The following KLHL23 variants were observed in gnomAD, a reference collection of about 807,000 sequenced individuals.
KLHL23 encodes the protein kelch like family member 23, also known as kelch-like protein 23.
Under a neutral mutation model 48.9 loss-of-function variants are expected in KLHL23, and 33 were observed. The ratio of observed to expected loss-of-function variants is 0.67; its 90% CI spans 0.51 to 0.90. The LOEUF is 0.90. Ranked by LOEUF, KLHL23 falls within the 40% of genes least tolerant of loss-of-function variation. The pLI is 0.00. For synonymous variants in KLHL23, 234 were observed against 231.6 expected, an observed-to-expected ratio of 1.01 and a Z score of -0.09; for missense variants, 608 against 669.6, an observed-to-expected ratio of 0.91 and a Z score of 1.02.
At chr2:169,740,566 A>G (rs906629929) in intron 2 of KLHL23, among the ~76,000 whole-genome samples, 1 of 149,420 alleles carries the variant, frequency 6.7e-6, no homozygotes, top group African/African-American at 2.5e-5. Flanking sequence ...CTCCTGCCTC[A>G]GCCTCCCGAG....
Position 169,745,347 on chromosome 2 carries a change from C to A in KLHL23, c.1366+3810C>A, listed in dbSNP as rs556413745. ...CTAACATGGTGAAACCCCATCTCTA[C>A]TAAAAATACAAAAAAATTAGCTGGG... On this transcript the variant is annotated intron_variant, in intron 3 of 3. Coordinates refer to ENST00000392647, the MANE Select transcript of KLHL23 (RefSeq NM_144711.6). Among the ~76,000 whole-genome samples the A allele has an allele frequency of 1.4e-3, 218 of 151,762 alleles. 2 individuals are homozygous for A. The highest frequency in any genetic ancestry group is 2.4e-3 in the Non-Finnish European group (160 of 67,876).
chr2:169,747,803 C>A (rs1227904437), intron 3 of KLHL23, among the ~76,000 whole-genome samples: 1 of 152,094 alleles, frequency 6.6e-6, no homozygotes, highest in East Asian at 1.9e-4. Flanking sequence ...GTGAGCAGGA[C>A]ACAGTTCCTG....
intron 3 of KLHL23, among the ~76,000 whole-genome samples, chr2:169,746,194 C>T (rs1317547306): frequency 6.6e-6 from 1 of 152,324 alleles, no homozygotes; most frequent in East Asian, 1.9e-4. Flanking sequence ...ATTTATTTAC[C>T]TGCCTTGCCA....
At chr2:169,736,632 C>T (rs915168736) in intron 2 of KLHL23, among the ~76,000 whole-genome samples, 5 of 152,132 alleles carry the variant, frequency 3.3e-5, no homozygotes, top group South Asian at 4.1e-4. Flanking sequence ...CTAGAGACAA[C>T]GTCTGCTTTT....
intron 3 of KLHL23, among the ~76,000 whole-genome samples, chr2:169,745,513 CAAAAAAAA>C (rs1157957265): frequency 6.3e-5 from 4 of 63,648 alleles, no homozygotes; most frequent in Non-Finnish European, 1.0e-4. Context: ...GACTCCGTCT[CAAAAAAAA>C]AAAAAAAAAA....
intron 3 of KLHL23, among the ~76,000 whole-genome samples, chr2:169,747,060 G>A (rs1319310099): frequency 6.6e-6 from 1 of 152,054 alleles, no homozygotes; most frequent in African/African-American, 2.4e-5. Context: ...AAGCAAAAAT[G>A]CAATCTTCTA....
At chr2:169,741,186 G>A in intron 2 of KLHL23, 199 bp from the exon 3 acceptor site, 1 of 520,690 alleles carries the variant, frequency 1.9e-6, no homozygotes, top group South Asian at 4.4e-5. Context: ...GTGCATGGCT[G>A]TGTTTGTGTG....
chr2:169,736,730 T>C (rs1365402521), intron 2 of KLHL23, among the ~76,000 whole-genome samples: 2 of 152,224 alleles, frequency 1.3e-5, no homozygotes, highest in Non-Finnish European at 2.9e-5. Flanking sequence ...TCTCGGTATC[T>C]GTCTGATAAA....
At chr2:169,745,247 T>G (rs919803625) in intron 3 of KLHL23, among the ~76,000 whole-genome samples, 4 of 151,812 alleles carry the variant, frequency 2.6e-5, no homozygotes, top group Middle Eastern at 3.2e-3. Flanking sequence ...GCGCGGTGGC[T>G]CACGCCTGTA....
At chr2:169,741,839 G>A (rs1688683882) in intron 3 of KLHL23, among the ~76,000 whole-genome samples, 1 of 152,104 alleles carries the variant, frequency 6.6e-6, no homozygotes, top group African/African-American at 2.4e-5. Context: ...TTTCATTTAT[G>A]ACATTAATTA....
At chr2:169,744,504 G>T (rs1351724967) in intron 3 of KLHL23, among the ~76,000 whole-genome samples, 1 of 152,132 alleles carries the variant, frequency 6.6e-6, no homozygotes, top group African/African-American at 2.4e-5. Context: ...TGGGAGATCG[G>T]ATGGGAGAGT....
At chr2:169,746,554 C>T (rs1397220232) in intron 3 of KLHL23, among the ~76,000 whole-genome samples, 3 of 152,202 alleles carry the variant, frequency 2.0e-5, no homozygotes, top group African/African-American at 4.8e-5. Context: ...GCTAGGAGCA[C>T]AGTGAGCAAG....
Position 169,735,460 on chromosome 2 carries a change from A to C in KLHL23, c.446A>C (p.His149Pro), listed in dbSNP as rs748690923. Residue 149 changes from histidine to proline, a missense_variant, in exon 2 of 4, where the codon CAT becomes CCT. His to Pro is a moderately conservative substitution (Grantham distance 77). Around this residue, in one of 3 missense-constraint regions of KLHL23, gnomAD observed 419 missense variants for 473.1 expected, o/e 0.89. Coordinates refer to ENST00000392647, the MANE Select transcript of KLHL23 (RefSeq NM_144711.6). This position sits in a 1 kb window ranked among gnomAD's most constrained non-coding sequence, Gnocchi z 4.5. ...CIGMHSFAEF[H>P]VCPELEKESR... ...GGAATGCACTCCTTTGCAGAATTTC[A>C]TGTGTGTCCAGAACTAGAGAAGGAA... The C allele has an allele frequency of 6.2e-7, 1 of 1,614,054 alleles. No homozygotes were observed. Among genetic ancestry groups the C allele is most frequent in the South Asian group, 1.1e-5 (1 of 91,084 alleles).
At chr2:169,744,734 T>G (rs1012449934) in intron 3 of KLHL23, among the ~76,000 whole-genome samples, 8 of 151,986 alleles carry the variant, frequency 5.3e-5, no homozygotes, top group African/African-American at 1.2e-4. Context: ...ATTTTTCATA[T>G]TTTTAGTAGA....
chr2:169,744,131 A>AATCC (rs1218566510), intron 3 of KLHL23, among the ~76,000 whole-genome samples: 1 of 152,220 alleles, frequency 6.6e-6, no homozygotes, highest in Non-Finnish European at 1.5e-5. Context: ...TCTGATAATT[A>AATCC]TGTAAGATGA....
chr2:169,748,092 C>G (rs1688838454), intron 3 of KLHL23, among the ~76,000 whole-genome samples: 1 of 152,134 alleles, frequency 6.6e-6, no homozygotes, highest in African/African-American at 2.4e-5. Context: ...CCATTGCACT[C>G]CAACCTGGGT....
chr2:169,750,026 T>TGC lies in KLHL23; in HGVS notation c.*294_*295insGC, dbSNP rs1400369328. 1 of 37,948 alleles carries TGC rather than the reference T, an allele frequency of 2.6e-5. No individual in the cohort carries two copies. Among genetic ancestry groups the TGC allele is most frequent in the African/African-American group, 7.9e-5 (1 of 12,682 alleles). The allele number at this position is 37,948 out of a possible 1,614,324, so 2.4% of individuals were successfully genotyped here. Reference sequence around the variant, plus strand: ...ATGTGTATATATACGTATGTATGTATACATATGTGTATATATAGTATGTAT... The same window carrying TGC: ...ATGTGTATATATACGTATGTATGTATGCACATATGTGTATATATAGTATGTAT... On this transcript the variant is annotated 3_prime_UTR_variant, in exon 4 of 4. Coordinates refer to ENST00000392647, the MANE Select transcript of KLHL23 (RefSeq NM_144711.6).
chr2:169,748,624 C>CA (rs1173087451), intron 3 of KLHL23, among the ~76,000 whole-genome samples: 4 of 151,232 alleles, frequency 2.6e-5, no homozygotes, highest in Admixed American at 2.0e-4. Context: ...GCACCCTAAG[C>CA]ACTTCGCTAG....
chr2:169,749,913 TTATA>T lies in KLHL23; in HGVS notation c.*196_*199del, dbSNP rs72113382. 59,907 of 218,646 alleles carry T rather than the reference TTATA, an allele frequency of 0.27. 12,164 individuals are homozygous for T. The highest frequency in any genetic ancestry group is 0.38 in the Admixed American group (5,795 of 15,198). The allele number at this position is 218,646 out of a possible 1,614,324, so 13.5% of individuals were successfully genotyped here. A position where few individuals can be genotyped will look rare whatever the true frequency, so the allele number is the denominator to read the frequency against. On this transcript the variant is annotated 3_prime_UTR_variant, in exon 4 of 4. Coordinates refer to ENST00000392647, the MANE Select transcript of KLHL23 (RefSeq NM_144711.6). ...TGGTGATTCATGGTCAAGAAAAATCTTATATATATATATATATACACACACACAT... is the reference window on the plus strand; with the variant it reads ...TGGTGATTCATGGTCAAGAAAAATCTTATATATATATATACACACACACAT...
Sources: allele counts gnomAD v4.1 joint callset (sites outside exome capture counted in the v4.1 genomes callset), GRCh38; gene constraint gnomAD v4.1.1; regional missense constraint gnomAD v4.1.1; non-coding constraint Gnocchi (gnomAD v3.1); transcripts MANE v1.5; gene names NCBI Gene and HGNC (gene_info 2026-07-23, HGNC 2026-07-21).